The following ICA1 variants were observed in gnomAD, a reference collection of about 807,000 sequenced individuals.
ICA1 encodes the protein islet cell autoantigen 1.
In ICA1, 40 loss-of-function variants were observed where a neutral mutation model predicts 71.0. The observed-to-expected ratio is 0.56, with a 90% CI of 0.44 to 0.73. ICA1 has a LOEUF of 0.73. Among genes scored for constraint, ICA1 ranks in the 30% least tolerant of loss-of-function variants. ICA1 has a pLI of 0.00. For synonymous variants in ICA1, 207 were observed against 209.5 expected, an observed-to-expected ratio of 0.99 and a Z score of 0.10; for missense variants, 578 against 576.5, an observed-to-expected ratio of 1.00 and a Z score of -0.03.
At position 8,194,044 on chromosome 7, in the gene ICA1, T is replaced by C. The variant is rs111245196; in HGVS notation, c.579+24261A>G. On this transcript the variant is annotated intron_variant, in intron 6 of 13. Transcript: ENST00000402384. ...TATGTGGCCAATTAAAATTATATGG[T>C]TATCTTCATAGATAAAATGATTTTT... Among the ~76,000 whole-genome samples the C allele has an allele frequency of 1.5e-3, 235 of 152,332 alleles. 1 individual carries two copies. Among genetic ancestry groups the C allele is most frequent in the African/African-American group, 5.1e-3 (211 of 41,576 alleles).
rs530072023 is a variant in ICA1, at chr7:8,127,982, C to T, written c.1221G>A (p.Val407=). The T allele has an allele frequency of 3.1e-5, 50 of 1,614,218 alleles. No individual in the cohort carries two copies. The highest frequency in any genetic ancestry group is 4.1e-5 in the Non-Finnish European group (48 of 1,180,050). The change falls in exon 13 of 14, where the codon GTG becomes GTA. Residue 407 remains valine (V), a synonymous_variant. Transcript: ENST00000402384. The part of the protein sequence containing the change: ...VFGDGQVKEP[V]PTMALGEPDP... ...CTGGCTCTCCCAGGGCCATAGTGGGCACTGGCTCCTTCACTTGGCCGTCTC... is the reference window on the plus strand; with the variant it reads ...CTGGCTCTCCCAGGGCCATAGTGGGTACTGGCTCCTTCACTTGGCCGTCTC...
chr7:8,249,288 G>C lies in ICA1; in HGVS notation c.-80+12806C>G, dbSNP rs77768024. ...GAGGCAAAGGCTGGAAGTGCGGTGG[G>C]GAGGGAAGTGGTATTATTCTAGGCA... On this transcript the variant is annotated intron_variant, in intron 1 of 13. Coordinates refer to ENST00000402384, the MANE Select transcript of ICA1 (RefSeq NM_001136020.3). 3.9e-3 allele frequency among the ~76,000 whole-genome samples: 599 copies of C among 152,338 alleles called. 2 individuals are homozygous for C. Among genetic ancestry groups the C allele is most frequent in the African/African-American group, 0.014 (584 of 41,568 alleles).
intron 6 of ICA1, among the ~76,000 whole-genome samples, chr7:8,196,590 G>A (rs571035594): frequency 3.9e-5 from 6 of 152,182 alleles, no homozygotes; most frequent in Middle Eastern, 3.2e-3. Context: ...GAGGGAGGCT[G>A]TGTGTATGCA....
chr7:8,145,420 T>C (rs1055750544), intron 8 of ICA1, among the ~76,000 whole-genome samples: 1 of 152,166 alleles, frequency 6.6e-6, no homozygotes, highest in African/African-American at 2.4e-5. Context: ...AATGCTCTAT[T>C]TGTTTATCCT....
intron 6 of ICA1, among the ~76,000 whole-genome samples, chr7:8,175,578 T>C (rs7809298): frequency 0.26 from 40,245 of 152,084 alleles, 5,690 homozygotes; most frequent in African/African-American, 0.36. Flanking sequence ...CAATTTCAAC[T>C]GATTTATAAA....
intron 6 of ICA1, among the ~76,000 whole-genome samples, chr7:8,193,021 T>C (rs1786228416): frequency 6.6e-6 from 1 of 152,210 alleles, no homozygotes; most frequent in Admixed American, 6.5e-5. Context: ...AAAGCCCTAG[T>C]TCCTTTTAGT....
intron 3 of ICA1, among the ~76,000 whole-genome samples, chr7:8,228,977 G>T (rs1411642857): frequency 6.6e-6 from 1 of 151,998 alleles, no homozygotes; most frequent in Non-Finnish European, 1.5e-5. Context: ...TAAGTGAAGG[G>T]CCTAGTTAGA....
At chr7:8,124,425 A>G (rs2128044795) in intron 13 of ICA1, among the ~76,000 whole-genome samples, 1 of 150,102 alleles carries the variant, frequency 6.7e-6, no homozygotes, top group East Asian at 2.0e-4. Flanking sequence ...AGCCGTGTAT[A>G]GGTAGATTTT....
chr7:8,200,961 T>C (rs1789437076), intron 6 of ICA1, among the ~76,000 whole-genome samples: 1 of 152,220 alleles, frequency 6.6e-6, no homozygotes, highest in Admixed American at 6.5e-5. Flanking sequence ...ACTGCTCTAT[T>C]CTCTTGATGC....
chr7:8,181,926 C>T (rs1052467452), intron 6 of ICA1, among the ~76,000 whole-genome samples: 10 of 152,114 alleles, frequency 6.6e-5, no homozygotes, highest in African/African-American at 2.2e-4. Context: ...TCTGAGCATA[C>T]GTTATTACTG....
rs1295672638 is a variant in ICA1, at chr7:8,130,408, C to G, written c.1061-2266G>C. ...CAGCTCAGGATGTGTCCATCAACAC[C>G]TGTATCTACGCATGCTCCCCTCTCC... is the stretch of plus-strand genomic sequence containing the variant. On this transcript the variant is annotated intron_variant, in intron 12 of 13. Coordinates refer to ENST00000402384, the MANE Select transcript of ICA1 (RefSeq NM_001136020.3). This position sits in a 1 kb window ranked among gnomAD's most constrained non-coding sequence, Gnocchi z 4.2. 2.0e-5 allele frequency among the ~76,000 whole-genome samples: 3 copies of G among 152,234 alleles called. No individual in the cohort carries two copies. Among genetic ancestry groups the G allele is most frequent in the African/African-American group, 7.2e-5 (3 of 41,456 alleles).
intron 6 of ICA1, among the ~76,000 whole-genome samples, chr7:8,207,413 C>CT (rs1791982487): frequency 2.6e-5 from 4 of 152,212 alleles, no homozygotes; most frequent in Non-Finnish European, 4.4e-5. Context: ...TAAGGCTCCT[C>CT]TCTCTGAGTT....
At chr7:8,157,335 C>A (rs930793175) in intron 7 of ICA1, 121 bp from the exon 8 acceptor site, 6 of 970,628 alleles carry the variant, frequency 6.2e-6, no homozygotes, top group Non-Finnish European at 8.9e-6. Flanking sequence ...TAACTCATTT[C>A]CATGCTTCCC....
intron 6 of ICA1, among the ~76,000 whole-genome samples, chr7:8,169,306 G>C (rs746735237): frequency 6.6e-6 from 1 of 152,044 alleles, no homozygotes; most frequent in Admixed American, 6.6e-5. Context: ...GTGATTTTGA[G>C]TAAAGCTGTT....
chr7:8,250,016 G>A (rs1045766895), intron 1 of ICA1, among the ~76,000 whole-genome samples: 1 of 152,204 alleles, frequency 6.6e-6, no homozygotes, highest in African/African-American at 2.4e-5. Flanking sequence ...CGGCCTGAGA[G>A]CACAAAGCCA....
intron 8 of ICA1, among the ~76,000 whole-genome samples, chr7:8,148,182 C>A (rs1797681450): frequency 6.6e-6 from 1 of 152,120 alleles, no homozygotes; most frequent in Non-Finnish European, 1.5e-5. Flanking sequence ...ATAAAAAATC[C>A]TTCAAGTATA....
chr7:8,240,076 A>C lies in ICA1; in HGVS notation c.-79-4071T>G, dbSNP rs181485060. Among the ~76,000 whole-genome samples the C allele has an allele frequency of 1.1e-4, 17 of 152,296 alleles. No homozygotes were observed. The East Asian group carries it at 3.3e-3, about 29-fold the overall frequency. The stretch of plus-strand genomic sequence containing the variant: ...TCCCAGCACTGAGCTCTGAGAATGG[A>C]CAGACTGCCTCCTCAAGTAGGTCCC... On this transcript the variant is annotated intron_variant, in intron 1 of 13. Transcript: ENST00000402384.
intron 6 of ICA1, among the ~76,000 whole-genome samples, chr7:8,200,026 T>C (rs1789022987): frequency 6.6e-6 from 1 of 152,126 alleles, no homozygotes; most frequent in Admixed American, 6.5e-5. Context: ...TGAATAATAA[T>C]TTAATTGTAC....
intron 13 of ICA1, among the ~76,000 whole-genome samples, chr7:8,121,586 T>C (rs1386954835): frequency 6.6e-6 from 1 of 152,172 alleles, no homozygotes; most frequent in Non-Finnish European, 1.5e-5. Flanking sequence ...AGTAGAATGA[T>C]GGTTACCAGA....
Sources: allele counts gnomAD v4.1 joint callset (sites outside exome capture counted in the v4.1 genomes callset), GRCh38; gene constraint gnomAD v4.1.1; non-coding constraint Gnocchi (gnomAD v3.1); transcripts MANE v1.5; gene names NCBI Gene and HGNC (gene_info 2026-07-23, HGNC 2026-07-21).